Variants in ADGRL3 observed in about 807,000 individuals in gnomAD.
The protein encoded by ADGRL3 is calcium-independent alpha-latrotoxin receptor 3.
A neutral mutation model predicts 153.5 loss-of-function variants in ADGRL3; 62 were observed. The observed-to-expected ratio is 0.40, with a 90% CI of 0.33 to 0.50. ADGRL3 has a LOEUF of 0.50. ADGRL3 is among the 20% of genes least tolerant of loss of function. The pLI is 0.47. For missense variants in ADGRL3, 1,641 were observed against 1,859.4 expected (o/e 0.88, Z 2.16); for synonymous variants, 710 against 672.5 (o/e 1.06, Z -0.86).
chr4:61,628,181 C>G (rs1315173327), intron 5 of ADGRL3, among the ~76,000 whole-genome samples: 1 of 152,068 alleles, frequency 6.6e-6, no homozygotes, highest in Non-Finnish European at 1.5e-5. Context: ...AATATTGTCT[C>G]CTATTACATT....
intron 9 of ADGRL3, among the ~76,000 whole-genome samples, chr4:61,886,657 T>TTTGTTTGTTTGC (rs1230980783): frequency 6.7e-6 from 1 of 149,890 alleles, no homozygotes; most frequent in East Asian, 1.9e-4. Flanking sequence ...TGTTTGTTTG[T>TTTGTTTGTTTGC]TTGTGACAGA....
rs191712866 is a variant in ADGRL3, at chr4:61,260,527, G to T, written c.-240+58762G>T. ...TTACTGCCTTTCTAATGTTGGAAAA[G>T]TTACTTAATGTCACTGAGTCTCATT... On this transcript the variant is annotated intron_variant, in intron 1 of 26. Transcript: ENST00000683033. 4.6e-5 allele frequency among the ~76,000 whole-genome samples: 7 copies of T among 152,204 alleles called. No homozygotes were observed. The East Asian group carries it at 1.4e-3, about 29-fold the overall frequency.
At chr4:61,549,684 C>T (rs1248441500) in intron 4 of ADGRL3, among the ~76,000 whole-genome samples, 3 of 151,664 alleles carry the variant, frequency 2.0e-5, no homozygotes, top group Admixed American at 6.6e-5. Context: ...TATTGTTTAC[C>T]GTAAGATTCA....
chr4:61,640,691 A>T (rs2093626351), intron 5 of ADGRL3, among the ~76,000 whole-genome samples: 1 of 152,204 alleles, frequency 6.6e-6, no homozygotes, highest in Non-Finnish European at 1.5e-5. Context: ...TTTTATTAAG[A>T]AAACTCTATT....
intron 4 of ADGRL3, among the ~76,000 whole-genome samples, chr4:61,579,846 G>T (rs1009200799): frequency 2.0e-5 from 3 of 152,000 alleles, no homozygotes; most frequent in African/African-American, 7.2e-5. Context: ...AGAATTGTTA[G>T]AATTCAGTGT....
chr4:61,997,867 T>C (rs2099127117), intron 20 of ADGRL3, among the ~76,000 whole-genome samples: 1 of 152,236 alleles, frequency 6.6e-6, no homozygotes, highest in Non-Finnish European at 1.5e-5. Flanking sequence ...GTATTGTTTT[T>C]GTTTTGACAT....
At chr4:61,595,027 G>T (rs186395264) in intron 5 of ADGRL3, among the ~76,000 whole-genome samples, 1 of 152,206 alleles carries the variant, frequency 6.6e-6, no homozygotes, top group Non-Finnish European at 1.5e-5. Flanking sequence ...CTCAGCTTGT[G>T]TGAATGTTGC....
At chr4:61,509,521 C>A (rs969261914) in intron 3 of ADGRL3, among the ~76,000 whole-genome samples, 2 of 152,070 alleles carry the variant, frequency 1.3e-5, no homozygotes, top group Non-Finnish European at 2.9e-5. Context: ...TGTGTTAATT[C>A]ACTTAGGATG....
At chr4:61,946,274 T>C (rs1194522855) in intron 15 of ADGRL3, among the ~76,000 whole-genome samples, 2 of 152,140 alleles carry the variant, frequency 1.3e-5, no homozygotes, top group East Asian at 3.9e-4. Context: ...GGTATGAAAT[T>C]GAAACTCAGT....
At chr4:61,430,852 T>C (rs1262800275) in intron 2 of ADGRL3, among the ~76,000 whole-genome samples, 1 of 152,138 alleles carries the variant, frequency 6.6e-6, no homozygotes, top group Non-Finnish European at 1.5e-5. Flanking sequence ...TTCTCCTGCA[T>C]ATTTTGGTAT....
chr4:61,692,127 A>AGTT (rs1357892828), intron 6 of ADGRL3, among the ~76,000 whole-genome samples: 1 of 152,250 alleles, frequency 6.6e-6, no homozygotes, highest in African/African-American at 2.4e-5. Flanking sequence ...TCTTCCTAAT[A>AGTT]GTAGATGCTG....
intron 1 of ADGRL3, among the ~76,000 whole-genome samples, chr4:61,297,256 C>T (rs961183976): frequency 6.6e-6 from 1 of 151,914 alleles, no homozygotes; most frequent in African/African-American, 2.4e-5. Flanking sequence ...TAAATAGATC[C>T]CAGAAATGTT....
chr4:61,849,713 C>A (rs2149132100), intron 9 of ADGRL3, among the ~76,000 whole-genome samples: 1 of 152,192 alleles, frequency 6.6e-6, no homozygotes, highest in East Asian at 1.9e-4. Flanking sequence ...ATTTCCAATT[C>A]TTTCTTACAA....
chr4:61,868,374 T>C (rs1342905979), intron 9 of ADGRL3, among the ~76,000 whole-genome samples: 1 of 152,262 alleles, frequency 6.6e-6, no homozygotes, highest in African/African-American at 2.4e-5. Flanking sequence ...CTCTCATTAT[T>C]AGCATCATCT....
chr4:61,355,535 C>T (rs1043831797), intron 1 of ADGRL3, among the ~76,000 whole-genome samples: 1 of 152,096 alleles, frequency 6.6e-6, no homozygotes, highest in Admixed American at 6.5e-5. Flanking sequence ...AATATGGAAA[C>T]CTGCACTTTA....
At chr4:61,245,206 G>C (rs1198450686) in intron 1 of ADGRL3, among the ~76,000 whole-genome samples, 6 of 152,050 alleles carry the variant, frequency 3.9e-5, no homozygotes, top group South Asian at 2.1e-4. Context: ...CAGACTTGTG[G>C]ATCAGTGCTA....
chr4:61,515,398 C>T (rs1330056321), intron 3 of ADGRL3, among the ~76,000 whole-genome samples: 2 of 151,792 alleles, frequency 1.3e-5, no homozygotes, highest in African/African-American at 4.8e-5. Flanking sequence ...TTACATAATA[C>T]TCTATTTATT....
intron 5 of ADGRL3, among the ~76,000 whole-genome samples, chr4:61,598,620 C>T (rs958007212): frequency 2.6e-5 from 4 of 152,024 alleles, no homozygotes; most frequent in African/African-American, 4.8e-5. Context: ...AGTATACCAG[C>T]GCTGTTGGCA....
intron 4 of ADGRL3, among the ~76,000 whole-genome samples, chr4:61,533,253 C>G (rs2098634707): frequency 6.6e-6 from 1 of 152,086 alleles, no homozygotes; most frequent in Non-Finnish European, 1.5e-5. Flanking sequence ...CCTAAGATCT[C>G]AAAGGTTGAA....
Sources: allele counts gnomAD v4.1 joint callset (sites outside exome capture counted in the v4.1 genomes callset), GRCh38; gene constraint gnomAD v4.1.1; transcripts MANE v1.5; gene names NCBI Gene and HGNC (gene_info 2026-07-23, HGNC 2026-07-21).